CSMD2: variants seen among roughly 807,000 people sequenced by gnomAD.
CSMD2 encodes the protein CUB and Sushi multiple domains 2, also known as CUB and sushi domain-containing protein 2.
CSMD2 carries 130 observed loss-of-function variants against 398.5 expected under a neutral mutation model. The observed-to-expected ratio is 0.33, with a 90% CI of 0.28 to 0.38. CSMD2 has a LOEUF of 0.38. Ranked by LOEUF, CSMD2 falls within the 10% of genes least tolerant of loss-of-function variation. The probability of loss-of-function intolerance (pLI) is 1.00; values close to 1 mark genes in which losing one functional copy is unlikely to be tolerated. For missense variants in CSMD2, 3,829 were observed against 4,764.9 expected, an observed-to-expected ratio of 0.80 and a Z score of 5.78; for synonymous variants, 1,828 against 1,908.5, an observed-to-expected ratio of 0.96 and a Z score of 1.10.
intron 3 of CSMD2, among the ~76,000 whole-genome samples, chr1:33,953,711 A>G (rs1398946273): frequency 6.6e-6 from 1 of 152,192 alleles, no homozygotes; most frequent in Non-Finnish European, 1.5e-5. Flanking sequence ...TTTGCCCAGC[A>G]TGGCTCACCT....
At position 33,518,380 on chromosome 1, in the gene CSMD2, T is replaced by C. The variant is rs565848857; in HGVS notation, c.*53+1085A>G. Among the ~76,000 whole-genome samples the C allele has an allele frequency of 8.2e-5, 7 of 85,728 alleles. No individual in the cohort carries two copies. Among genetic ancestry groups the C allele is most frequent in the African/African-American group, 3.6e-4 (6 of 16,442 alleles). The allele number at this position is 85,728 out of a possible 152,430, so 56.2% of individuals were successfully genotyped here. A position where few individuals can be genotyped will look rare whatever the true frequency, so the allele number is the denominator to read the frequency against. ...CCTGTCAGATGCATGCCTGTGTGCA[T>C]GTATGCGTATGTGTGTGTGTGTGTG... On this transcript the variant is annotated intron_variant, in intron 70 of 70. Coordinates refer to ENST00000373381, the MANE Select transcript of CSMD2 (RefSeq NM_001281956.2). This position sits in a 1 kb window ranked among gnomAD's most constrained non-coding sequence, Gnocchi z 4.3.
chr1:33,572,768 C>T, intron 49 of CSMD2, 77 bp from the exon 50 acceptor site: 1 of 1,205,200 alleles, frequency 8.3e-7, no homozygotes, highest in Non-Finnish European at 1.1e-6. Flanking sequence ...CCTTCCTCCC[C>T]TCCCAAGGTC....
intron 10 of CSMD2, chr1:33,804,975 G>A: frequency 7.1e-6 from 5 of 701,466 alleles, no homozygotes; most frequent in Admixed American, 6.1e-5. Context: ...GCCCCACAGA[G>A]ATATTAGAAA....
At chr1:33,558,547 T>C (rs1658254404) in intron 54 of CSMD2, among the ~76,000 whole-genome samples, 1 of 152,214 alleles carries the variant, frequency 6.6e-6, no homozygotes, top group Admixed American at 6.5e-5. Context: ...ATCCATTATC[T>C]TACCTGAGTC....
chr1:33,617,052 G>T (rs565701487), intron 38 of CSMD2, 77 bp from the exon 39 acceptor site: 86 of 1,169,658 alleles, frequency 7.4e-5, no homozygotes, highest in East Asian at 4.2e-4. Context: ...GCTGTACAGG[G>T]GTCTGGTTCA....
intron 1 of CSMD2, among the ~76,000 whole-genome samples, chr1:34,154,706 C>A (rs1477612212): frequency 6.8e-6 from 1 of 147,828 alleles, no homozygotes; most frequent in Non-Finnish European, 1.5e-5. Context: ...AACAACCCTA[C>A]ACATTTTATA....
At chr1:33,528,402 G>A (rs144108421) in intron 64 of CSMD2, among the ~76,000 whole-genome samples, 1 of 152,210 alleles carries the variant, frequency 6.6e-6, no homozygotes, top group Non-Finnish European at 1.5e-5. Flanking sequence ...ACTCCCCACT[G>A]TCTGCCTTGG....
chr1:33,544,831 T>TTATATATATATATATATATATA lies in CSMD2; in HGVS notation c.9100+1184_9100+1205dup, dbSNP rs56072818. 2.1e-3 allele frequency among the ~76,000 whole-genome samples: 293 copies of TTATATATATATATATATATATA among 141,896 alleles called. 2 individuals carry two copies. The highest frequency in any genetic ancestry group is 3.2e-3 in the Non-Finnish European group (212 of 65,544). The allele number at this position is 141,896 out of a possible 152,430, so 93.1% of individuals were successfully genotyped here. A position where few individuals can be genotyped will look rare whatever the true frequency, so the allele number is the denominator to read the frequency against. On this transcript the variant is annotated intron_variant, in intron 57 of 70. Coordinates refer to ENST00000373381, the MANE Select transcript of CSMD2 (RefSeq NM_001281956.2). ...ATGCCCTGACTTGACCACTGTGCAT[T>TTATATATATATATATATATATA]TATATATATATATATATATATATAC...
rs138813015 is a variant in CSMD2, at chr1:34,124,354, G to A, written c.188-35161C>T. ...GGGGACATGCCACAGGCTGGTGGGT[G>A]GACTAGGAGAAAGGGAAGGGCATAG... On this transcript the variant is annotated intron_variant, in intron 1 of 70. Transcript: ENST00000373381. 1.8e-3 allele frequency among the ~76,000 whole-genome samples: 273 copies of A among 152,262 alleles called. 1 individual carries two copies. Among genetic ancestry groups the A allele is most frequent in the African/African-American group, 6.2e-3 (257 of 41,556 alleles).
At chr1:33,810,719 C>A (rs776848401) in intron 10 of CSMD2, 24 bp downstream of exon 10, 2 of 1,610,444 alleles carry the variant, frequency 1.2e-6, no homozygotes, top group Non-Finnish European at 1.7e-6. Flanking sequence ...CACAGAACAC[C>A]ACCCCGCTCC....
At chr1:33,833,755 A>C (rs1442780533) in intron 6 of CSMD2, among the ~76,000 whole-genome samples, 1 of 152,046 alleles carries the variant, frequency 6.6e-6, no homozygotes, top group African/African-American at 2.4e-5. Flanking sequence ...AGAAAACCCC[A>C]TTGTCTCAGC....
At position 33,586,540 on chromosome 1, in the gene CSMD2, A is replaced by G. The variant is rs778322492; in HGVS notation, c.7015T>C (p.Tyr2339His). The change falls in exon 46 of 71, where the codon TAC becomes CAC. Residue 2339 changes from tyrosine (Y) to histidine (H), a missense_variant. By Grantham distance (83) the Tyr-to-His change is moderately conservative. Transcript: ENST00000373381. The stretch of plus-strand genomic sequence containing the variant: ...GGGGGTGGTCCTTCAAACTGCAGGT[A>G]GGTTCCAAGTTTGCAGGTCAGAATT... ...NEILTCKLGT[Y>H]LQFEGPPPIC... is the part of the protein sequence containing the mutation. The G allele has an allele frequency of 1.9e-5, 31 of 1,613,592 alleles. No homozygotes were observed. The highest frequency in any genetic ancestry group is 2.5e-5 in the Non-Finnish European group (29 of 1,179,702).
intron 23 of CSMD2, 33 bp downstream of exon 23, chr1:33,700,484 T>G: frequency 1.2e-6 from 2 of 1,607,762 alleles, no homozygotes; most frequent in Admixed American, 3.4e-5. Context: ...AAACCCTGAC[T>G]TCCTTGTCCA....
intron 2 of CSMD2, among the ~76,000 whole-genome samples, chr1:34,040,405 A>G (rs750336937): frequency 4.6e-5 from 7 of 151,922 alleles, no homozygotes; most frequent in Non-Finnish European, 7.4e-5. Context: ...CCTGACTGAC[A>G]TCCCTTTTCT....
chr1:33,786,771 G>C (rs1031131051), intron 12 of CSMD2, among the ~76,000 whole-genome samples: 7 of 152,144 alleles, frequency 4.6e-5, no homozygotes, highest in Admixed American at 3.3e-4. Flanking sequence ...CTGTTGTTCT[G>C]TCTTCCCTAG....
chr1:33,836,113 T>C (rs1660224132), intron 6 of CSMD2, among the ~76,000 whole-genome samples: 1 of 152,206 alleles, frequency 6.6e-6, no homozygotes, highest in African/African-American at 2.4e-5. Context: ...TGTGTTGGTG[T>C]TTGCCGGAGG....
intron 3 of CSMD2, among the ~76,000 whole-genome samples, chr1:34,004,760 G>A (rs1647007205): frequency 6.6e-6 from 1 of 152,068 alleles, no homozygotes; most frequent in South Asian, 2.1e-4. Context: ...CTGAGGTAGG[G>A]TCCAAGTATT....
chr1:34,140,511 A>G (rs1461218036), intron 1 of CSMD2, among the ~76,000 whole-genome samples: 1 of 152,182 alleles, frequency 6.6e-6, no homozygotes, highest in Non-Finnish European at 1.5e-5. Flanking sequence ...CACTGTGTTT[A>G]GCAGGTCCCA....
At chr1:34,062,858 G>C (rs535496339) in intron 2 of CSMD2, among the ~76,000 whole-genome samples, 1 of 152,124 alleles carries the variant, frequency 6.6e-6, no homozygotes, top group Non-Finnish European at 1.5e-5. Flanking sequence ...GTATTAGTCC[G>C]TTTTCACACT....
Sources: gnomAD v4.1 joint callset for allele counts (sites outside exome capture counted in the v4.1 genomes callset) on GRCh38, gnomAD v4.1.1 for gene constraint, Gnocchi (gnomAD v3.1) non-coding constraint, MANE v1.5 for transcripts, NCBI Gene and HGNC (gene_info 2026-07-23, HGNC 2026-07-21) for gene names.